NAV1: variants seen among roughly 807,000 people sequenced by gnomAD.
The protein encoded by NAV1 is pore membrane and/or filament interacting like protein 3.
In NAV1, 18 loss-of-function variants were observed where a neutral mutation model predicts 175.2. The ratio of observed to expected loss-of-function variants is 0.10; its 90% CI spans 0.07 to 0.15. NAV1 has a LOEUF of 0.15. Ranked by LOEUF, NAV1 falls within the 10% of genes least tolerant of loss-of-function variation. NAV1 has a pLI of 1.00. For synonymous variants in NAV1, 897 were observed against 978.7 expected, an observed-to-expected ratio of 0.92 and a Z score of 1.56; for missense variants, 1,731 against 2,436.6, an observed-to-expected ratio of 0.71 and a Z score of 6.10.
At chr1:201,565,919 A>C (rs1042168110) in intron 1 of NAV1, among the ~76,000 whole-genome samples, 1 of 151,984 alleles carries the variant, frequency 6.6e-6, no homozygotes, top group Non-Finnish European at 1.5e-5. Context: ...TTAACACCCA[A>C]ATGCCCTTCA....
chr1:201,674,606 C>T (rs1477301269), intron 1 of NAV1, among the ~76,000 whole-genome samples: 3 of 152,210 alleles, frequency 2.0e-5, no homozygotes, highest in Admixed American at 2.0e-4. Flanking sequence ...CAGGCATCTG[C>T]TCAGCCTTCA....
chr1:201,565,869 G>C (rs939991946), intron 1 of NAV1, among the ~76,000 whole-genome samples: 3 of 152,136 alleles, frequency 2.0e-5, no homozygotes, highest in Non-Finnish European at 4.4e-5. Flanking sequence ...GGAGGCGCCA[G>C]ACATTCCCCC....
intron 1 of NAV1, among the ~76,000 whole-genome samples, chr1:201,689,248 A>G (rs1024152056): frequency 2.0e-5 from 3 of 152,210 alleles, no homozygotes; most frequent in African/African-American, 7.2e-5. Flanking sequence ...CTTTTACTGC[A>G]CAAATTATAG....
intron 2 of NAV1, among the ~76,000 whole-genome samples, chr1:201,608,761 C>T (rs149973347): frequency 1.6e-4 from 24 of 152,266 alleles, no homozygotes; most frequent in Middle Eastern, 3.4e-3. Flanking sequence ...CAGCCTGGCG[C>T]TGGGACCTTG....
intron 1 of NAV1, among the ~76,000 whole-genome samples, chr1:201,667,678 T>A (rs1201379771): frequency 2.0e-5 from 3 of 152,184 alleles, no homozygotes; most frequent in African/African-American, 7.2e-5. Context: ...TTTTTAAAAC[T>A]GTCTGAGGTT....
intron 2 of NAV1, among the ~76,000 whole-genome samples, chr1:201,593,820 A>G (rs1160952660): frequency 1.3e-5 from 2 of 152,196 alleles, no homozygotes; most frequent in Non-Finnish European, 2.9e-5. Context: ...CACTTTCAGT[A>G]CTATCCCTTC....
intron 3 of NAV1, among the ~76,000 whole-genome samples, chr1:201,744,239 C>T (rs1327937753): frequency 2.6e-5 from 4 of 152,226 alleles, no homozygotes; most frequent in Non-Finnish European, 5.9e-5. Flanking sequence ...TCCCTGACAA[C>T]TTTGTGCCAG....
intron 16 of NAV1, chr1:201,803,915 C>G (rs1212549677): frequency 3.1e-6 from 2 of 642,558 alleles, no homozygotes; most frequent in East Asian, 7.3e-5. Flanking sequence ...AAGGCCACCC[C>G]TCTGACCTTT....
At chr1:201,680,770 G>T (rs186019662) in intron 1 of NAV1, among the ~76,000 whole-genome samples, 20 of 148,578 alleles carry the variant, frequency 1.3e-4, no homozygotes, top group Non-Finnish European at 3.0e-4. Flanking sequence ...TGCACCCTTC[G>T]CCCAGTGGGG....
At chr1:201,579,291 C>T (rs999614351) in intron 1 of NAV1, among the ~76,000 whole-genome samples, 1 of 152,144 alleles carries the variant, frequency 6.6e-6, no homozygotes, top group African/African-American at 2.4e-5. Context: ...AAGAAAAAAA[C>T]AAACAAATGA....
chr1:201,686,946 C>T (rs564379299), intron 1 of NAV1, among the ~76,000 whole-genome samples: 5 of 152,234 alleles, frequency 3.3e-5, no homozygotes, highest in Admixed American at 1.3e-4. Context: ...TCAGAAGCTC[C>T]TTCCTGGTGT....
intron 17 of NAV1, among the ~76,000 whole-genome samples, chr1:201,805,989 CTT>C (rs201639996): frequency 6.3e-5 from 9 of 143,872 alleles, no homozygotes; most frequent in Non-Finnish European, 3.0e-5. Context: ...CTCTCTCTCT[CTT>C]TTTTTTTTTT....
At chr1:201,773,805 T>G (rs1465861396) in intron 3 of NAV1, among the ~76,000 whole-genome samples, 1 of 152,228 alleles carries the variant, frequency 6.6e-6, no homozygotes, top group South Asian at 2.1e-4. Context: ...TTAATTTACC[T>G]CTATAATCTG....
chr1:201,624,009 G>A (rs114514155), intron 1 of NAV1, among the ~76,000 whole-genome samples: 137 of 152,332 alleles, frequency 9.0e-4, no homozygotes, highest in African/African-American at 3.1e-3. Context: ...CCAACATTGT[G>A]AGTTAGACCA....
intron 2 of NAV1, among the ~76,000 whole-genome samples, chr1:201,634,231 A>T (rs940377786): frequency 1.3e-5 from 2 of 152,206 alleles, no homozygotes; most frequent in African/African-American, 4.8e-5. Flanking sequence ...GATATTGGTA[A>T]AGCGCTTAGA....
At chr1:201,771,565 A>C (rs574961239) in intron 3 of NAV1, among the ~76,000 whole-genome samples, 1 of 151,928 alleles carries the variant, frequency 6.6e-6, no homozygotes, top group African/African-American at 2.4e-5. Flanking sequence ...TGGCTCTATG[A>C]CAGGCTAGAC....
chr1:201,602,655 TTTTTTTTTTTGG>T (rs1667552976), intron 2 of NAV1, among the ~76,000 whole-genome samples: 4 of 125,246 alleles, frequency 3.2e-5, no homozygotes, highest in Non-Finnish European at 7.3e-5. Context: ...TTTTTGGTTT[TTTTTTTTTTTGG>T]TTTTTTTTTT....
Position 201,790,778 on chromosome 1 carries a change from G to A in NAV1, c.3321+12G>A, listed in dbSNP as rs567576062. On this transcript the variant is annotated intron_variant, in intron 13 of 29. Transcript: ENST00000367296. ...AGCTTTCTGCCAATGTGAGTGCCAT[G>A]AAGTACGGAAAGATCAAGGCAGTTA... 1.9e-6 allele frequency: 3 copies of A among 1,613,898 alleles called. No homozygotes were observed. In the Admixed American group the frequency reaches 5.0e-5, roughly 27 times the overall value.
chr1:201,628,747 A>G (rs1375294639), intron 1 of NAV1, among the ~76,000 whole-genome samples: 1 of 152,180 alleles, frequency 6.6e-6, no homozygotes, highest in Non-Finnish European at 1.5e-5. Context: ...CCTGGGAGCA[A>G]CTGTACGGTT....
Sources: gnomAD v4.1 joint callset for allele counts (sites outside exome capture counted in the v4.1 genomes callset) on GRCh38, gnomAD v4.1.1 for gene constraint, MANE v1.5 for transcripts, NCBI Gene and HGNC (gene_info 2026-07-23, HGNC 2026-07-21) for gene names.